Variants in DAPK1 observed in about 807,000 individuals in gnomAD.
DAPK1 encodes death-associated protein kinase 1.
A neutral mutation model predicts 144.9 loss-of-function variants in DAPK1; 56 were observed. That is an observed-to-expected ratio of 0.39 (90% confidence interval 0.31 to 0.48). The LOEUF is 0.48. Among genes scored for constraint, DAPK1 ranks in the 20% least tolerant of loss-of-function variants. The probability of loss-of-function intolerance (pLI) is 0.95; values close to 1 mark genes in which losing one functional copy is unlikely to be tolerated. For missense variants in DAPK1, 1,454 were observed against 1,875.4 expected (o/e 0.78, Z 4.15); for synonymous variants, 690 against 749.0 (o/e 0.92, Z 1.29).
intron 21 of DAPK1, among the ~76,000 whole-genome samples, chr9:87,689,371 A>G (rs1266464226): frequency 6.6e-6 from 1 of 151,634 alleles, no homozygotes; most frequent in Non-Finnish European, 1.5e-5. Flanking sequence ...ATTGTTTGTT[A>G]TTTTACTGTT....
intron 10 of DAPK1, among the ~76,000 whole-genome samples, chr9:87,643,111 C>G (rs1196111292): frequency 6.6e-6 from 1 of 152,086 alleles, no homozygotes; most frequent in Admixed American, 6.5e-5. Context: ...CTCTGTAGTT[C>G]AATAATGAAA....
rs899635052 is a variant in DAPK1, at chr9:87,510,863, C to T, written c.62+11724C>T. Among the ~76,000 whole-genome samples, 21 of 151,856 alleles carry T rather than the reference C, an allele frequency of 1.4e-4. 1 individual carries two copies. Among genetic ancestry groups the T allele is most frequent in the African/African-American group, 2.9e-4 (12 of 41,186 alleles). On this transcript the variant is annotated intron_variant, in intron 2 of 25. Coordinates refer to ENST00000408954, the MANE Select transcript of DAPK1 (RefSeq NM_004938.4). ...ATCTGTAAAATGGGGATAGTCATCA[C>T]GGCTAATTCATAAGGTGGTTGTGAG...
chr9:87,576,163 C>T (rs538901321), intron 2 of DAPK1, among the ~76,000 whole-genome samples: 5 of 152,320 alleles, frequency 3.3e-5, no homozygotes, highest in African/African-American at 9.6e-5. Flanking sequence ...CGTACACACA[C>T]GTGCACACAC....
intron 2 of DAPK1, among the ~76,000 whole-genome samples, chr9:87,522,053 G>A (rs1470177177): frequency 2.6e-5 from 4 of 152,188 alleles, no homozygotes; most frequent in African/African-American, 4.8e-5. Flanking sequence ...TGCTCACCAG[G>A]TGCCAGCGCC....
intron 2 of DAPK1, among the ~76,000 whole-genome samples, chr9:87,511,814 G>A (rs964860586): frequency 6.6e-6 from 1 of 151,626 alleles, no homozygotes; most frequent in Non-Finnish European, 1.5e-5. Context: ...GGTTTCAAGC[G>A]ATTCTCCTGC....
At position 87,605,099 on chromosome 9, in the gene DAPK1, G is replaced by A; in HGVS notation, c.208G>A (p.Glu70Lys). Residue 70 changes from glutamate (E) to lysine (K), a missense_variant, in exon 3 of 26, where the codon GAG becomes AAG. Glu to Lys is a moderately conservative substitution (Grantham distance 56). Around this residue, in one of 2 missense-constraint regions of DAPK1, gnomAD observed 429 missense variants for 637.5 expected, o/e 0.67. Coordinates refer to ENST00000408954, the MANE Select transcript of DAPK1 (RefSeq NM_004938.4). The stretch of plus-strand genomic sequence containing the variant: ...CGAGCGGGAGGTCAGCATCCTGAAG[G>A]AGATCCAGCACCCCAATGTCATCAC... ...DIEREVSILK[E>K]IQHPNVITLH... 1 of 1,614,176 alleles carries A rather than the reference G, an allele frequency of 6.2e-7. No individual in the cohort carries two copies. The highest frequency in any genetic ancestry group is 8.5e-7 in the Non-Finnish European group (1 of 1,180,044).
In DAPK1 at chr9:87,580,957, A is replaced by C. The variant is rs544718146; in HGVS notation, c.63-23997A>C. 1.5e-4 allele frequency among the ~76,000 whole-genome samples: 23 copies of C among 152,322 alleles called. No individual in the cohort carries two copies. In the South Asian group the frequency reaches 4.6e-3, roughly 30 times the overall value. On this transcript the variant is annotated intron_variant, in intron 2 of 25. Transcript: ENST00000408954. ...CAACTTGACATTGACACTACCGTGA[A>C]ATGTAAATTACACGGAACTCCATGG...
chr9:87,563,686 A>AGGCGGTGGGGTGGGAGG, intron 2 of DAPK1, among the ~76,000 whole-genome samples: 2 of 152,164 alleles, frequency 1.3e-5, no homozygotes, highest in African/African-American at 4.8e-5. Context: ...ACACCACCAG[A>AGGCGGTGGGGTGGGAGG]TGTTCAGGTG....
At chr9:87,705,799 T>G (rs36220119) in intron 25 of DAPK1, among the ~76,000 whole-genome samples, 9,336 of 152,290 alleles carry the variant, frequency 0.061, 558 homozygotes, top group African/African-American at 0.16. Flanking sequence ...TATTTTTATT[T>G]ATGTACTTAT....
chr9:87,549,128 T>A (rs984860705), intron 2 of DAPK1, among the ~76,000 whole-genome samples: 8 of 151,928 alleles, frequency 5.3e-5, no homozygotes, highest in African/African-American at 1.9e-4. Flanking sequence ...GTGTGTTGTT[T>A]CCCTCCCTGT....
At chr9:87,525,484 C>G (rs1386400453) in intron 2 of DAPK1, 2 of 1,464,982 alleles carry the variant, frequency 1.4e-6, no homozygotes, top group Non-Finnish European at 1.9e-6. Context: ...AAATGATCTT[C>G]CTTCAAAGGA....
intron 2 of DAPK1, among the ~76,000 whole-genome samples, chr9:87,543,366 T>C (rs1229748797): frequency 5.9e-5 from 9 of 152,242 alleles, no homozygotes. Context: ...AAATGAACAC[T>C]TTTCATAGAC....
At position 87,583,033 on chromosome 9, in the gene DAPK1, C is replaced by G. The variant is rs574427467; in HGVS notation, c.63-21921C>G. Among the ~76,000 whole-genome samples, 8 of 152,122 alleles carry G rather than the reference C, an allele frequency of 5.3e-5. No homozygotes were observed. In the East Asian group the frequency reaches 1.5e-3, roughly 29 times the overall value. ...TCTGCGATCTCGGGATTTGTCTTCT[C>G]CAGGTCAAGGGTATATACAGTTGGC... On this transcript the variant is annotated intron_variant, in intron 2 of 25. Transcript: ENST00000408954.
intron 18 of DAPK1, among the ~76,000 whole-genome samples, chr9:87,662,971 C>T (rs1830917280): frequency 6.6e-6 from 1 of 152,052 alleles, no homozygotes; most frequent in Non-Finnish European, 1.5e-5. Flanking sequence ...GGAGGGGCCT[C>T]TGGTCTTCCT....
At position 87,707,805 on chromosome 9, in the gene DAPK1, A is replaced by G; in HGVS notation, c.*441A>G. On this transcript the variant is annotated 3_prime_UTR_variant, in exon 26 of 26. Coordinates refer to ENST00000408954, the MANE Select transcript of DAPK1 (RefSeq NM_004938.4). The surrounding 1 kb of genome is among the most constrained non-coding windows in gnomAD (Gnocchi z 4.0). ...CTTATACGCTTTTCTTTGTTATACC[A>G]TTTCCTCAGCTTATCTCTTTTATAT... 3 of 456,498 alleles carry G rather than the reference A, an allele frequency of 6.6e-6. No individual in the cohort carries two copies. Among genetic ancestry groups the G allele is most frequent in the South Asian group, 1.6e-5 (1 of 64,040 alleles). The allele number at this position is 456,498 out of a possible 1,614,324, so 28.3% of individuals were successfully genotyped here.
chr9:87,645,829 T>C lies in DAPK1; in HGVS notation c.1012-66T>C, dbSNP rs190433844. The C allele has an allele frequency of 1.1e-5, 18 of 1,586,852 alleles. No individual in the cohort carries two copies. In the African/African-American group the frequency reaches 2.2e-4, roughly 19 times the overall value. On this transcript the variant is annotated intron_variant, in intron 11 of 25. Coordinates refer to ENST00000408954, the MANE Select transcript of DAPK1 (RefSeq NM_004938.4). Reference sequence around the variant, plus strand: ...GTTAACAAGTGAGCACAGGTTTCTTTTATGTTGGTAAGAAAAGCATGGCTA... The same window carrying C: ...GTTAACAAGTGAGCACAGGTTTCTTCTATGTTGGTAAGAAAAGCATGGCTA...
At chr9:87,692,457 T>A (rs985208283) in intron 21 of DAPK1, among the ~76,000 whole-genome samples, 1 of 152,200 alleles carries the variant, frequency 6.6e-6, no homozygotes, top group Non-Finnish European at 1.5e-5. Context: ...GGTGGAAAAG[T>A]TAATTCATAT....
intron 2 of DAPK1, among the ~76,000 whole-genome samples, chr9:87,531,409 T>C (rs1277256232): frequency 6.6e-6 from 1 of 152,212 alleles, no homozygotes; most frequent in Non-Finnish European, 1.5e-5. Flanking sequence ...CTTTGTAATT[T>C]GGGGAACCAG....
rs73652038 is a variant in DAPK1 at position 87,562,048 on chromosome 9, A to C, written c.63-42906A>C. On this transcript the variant is annotated intron_variant, in intron 2 of 25. Transcript: ENST00000408954. The stretch of plus-strand genomic sequence containing the variant: ...AGGGACCCTCACTCCACCCCAGAGC[A>C]TGGAGAAGAGATGCATCGCTGCCCT... Among the ~76,000 whole-genome samples, 1,038 of 152,304 alleles carry C rather than the reference A, an allele frequency of 6.8e-3. 14 individuals are homozygous for C. Among genetic ancestry groups the C allele is most frequent in the African/African-American group, 0.024 (1,002 of 41,572 alleles).
Sources: gnomAD v4.1 joint callset for allele counts (sites outside exome capture counted in the v4.1 genomes callset) on GRCh38, gnomAD v4.1.1 for gene constraint, gnomAD v4.1.1 regional missense constraint, Gnocchi (gnomAD v3.1) non-coding constraint, MANE v1.5 for transcripts, NCBI Gene and HGNC (gene_info 2026-07-23, HGNC 2026-07-21) for gene names.